Variants in SORT1 observed in about 807,000 individuals in gnomAD.
SORT1 encodes the protein sortilin.
Under a neutral mutation model 101.7 loss-of-function variants are expected in SORT1, and 39 were observed. The ratio of observed to expected loss-of-function variants is 0.38; its 90% CI spans 0.30 to 0.50. SORT1 has a LOEUF of 0.50. Ranked by LOEUF, SORT1 falls within the 20% of genes least tolerant of loss-of-function variation. The pLI is 0.90. For missense variants in SORT1, 878 were observed against 1,040.4 expected (o/e 0.84, Z 2.15); for synonymous variants, 396 against 393.7 (o/e 1.01, Z -0.07).
intron 3 of SORT1, among the ~76,000 whole-genome samples, chr1:109,363,790 T>C (rs1650898251): frequency 6.6e-6 from 1 of 152,080 alleles, no homozygotes; most frequent in African/African-American, 2.4e-5. Flanking sequence ...TCAGAGTGGG[T>C]TCAATGGGCT....
intron 1 of SORT1, among the ~76,000 whole-genome samples, chr1:109,392,152 GGGTAGGATTA>G (rs1003761801): frequency 6.6e-5 from 10 of 152,172 alleles, no homozygotes; most frequent in African/African-American, 2.4e-4. Context: ...AAAAATTGAG[GGGTAGGATTA>G]GGTAGGAAGG....
intron 13 of SORT1, 81 bp downstream of exon 13, chr1:109,326,911 A>G (rs1171796501): frequency 4.6e-6 from 5 of 1,092,110 alleles, no homozygotes; most frequent in African/African-American, 1.6e-5. Flanking sequence ...TATAGTCTGT[A>G]ACATCCCCCC....
At chr1:109,376,730 G>A (rs983893133) in intron 1 of SORT1, among the ~76,000 whole-genome samples, 3 of 152,206 alleles carry the variant, frequency 2.0e-5, no homozygotes, top group South Asian at 2.1e-4. Context: ...CAACAGAAAC[G>A]GGATTATTAG....
chr1:109,347,091 T>G (rs1649657736), intron 7 of SORT1, among the ~76,000 whole-genome samples: 1 of 152,262 alleles, frequency 6.6e-6, no homozygotes. Context: ...ATCTGTTGAA[T>G]GAGTAAATGA....
chr1:109,320,084 C>T (rs1647523760), intron 15 of SORT1, among the ~76,000 whole-genome samples: 1 of 152,114 alleles, frequency 6.6e-6, no homozygotes, highest in Non-Finnish European at 1.5e-5. Flanking sequence ...GCTTGCTCTT[C>T]TTTCTTCCTA....
At chr1:109,373,066 GA>G (rs1651590152) in intron 1 of SORT1, among the ~76,000 whole-genome samples, 1 of 150,868 alleles carries the variant, frequency 6.6e-6, no homozygotes. Flanking sequence ...AAAAAGAAAA[GA>G]AAAGAAAAAA....
In SORT1 at chr1:109,310,065, C is replaced by T. The variant is rs893226198; in HGVS notation, c.*3978G>A. On this transcript the variant is annotated 3_prime_UTR_variant, in exon 20 of 20. Coordinates refer to ENST00000256637, the MANE Select transcript of SORT1 (RefSeq NM_002959.7). ...AATCATCAGGGAACAGTCAGTCACC[C>T]GCTTGTGGCTGAGGGCATGCGGAGG... 3 of 152,500 alleles carry T rather than the reference C, an allele frequency of 2.0e-5. No homozygotes were observed. Among genetic ancestry groups the T allele is most frequent in the Admixed American group, 6.5e-5 (1 of 15,274 alleles). 9.4% of individuals were successfully genotyped at this position (152,500 alleles called of 1,614,324 possible). A position where few individuals can be genotyped will look rare whatever the true frequency, so the allele number is the denominator to read the frequency against.
intron 7 of SORT1, among the ~76,000 whole-genome samples, chr1:109,346,101 G>A (rs1192709584): frequency 6.6e-6 from 1 of 151,930 alleles, no homozygotes; most frequent in East Asian, 1.9e-4. Flanking sequence ...CACGAGGTCA[G>A]GAGATAGAGA....
Position 109,355,357 on chromosome 1 carries a change from T to G in SORT1, c.543+10A>C. The G allele has an allele frequency of 3.5e-6, 5 of 1,413,622 alleles. No homozygotes were observed. Among genetic ancestry groups the G allele is most frequent in the Non-Finnish European group, 5.0e-6 (5 of 997,016 alleles). 87.6% of individuals were successfully genotyped at this position (1,413,622 alleles called of 1,614,324 possible). A position where few individuals can be genotyped will look rare whatever the true frequency, so the allele number is the denominator to read the frequency against. ...AGCACAAGCTTTATGTATACAAGAA[T>G]GAGTCTCACCTTTCCAGAGTTCTCA... On this transcript the variant is annotated intron_variant, in intron 4 of 19. Coordinates refer to ENST00000256637, the MANE Select transcript of SORT1 (RefSeq NM_002959.7).
intron 4 of SORT1, 46 bp downstream of exon 4, chr1:109,355,321 A>G (rs781668309): frequency 3.3e-6 from 3 of 913,996 alleles, no homozygotes; most frequent in Non-Finnish European, 3.7e-6. Context: ...ACAGCTCTGC[A>G]TGTGGTATCA....
Position 109,342,182 on chromosome 1 carries a change from C to T in SORT1, c.964-24G>A. 1.9e-6 allele frequency: 3 copies of T among 1,586,840 alleles called. No homozygotes were observed. In the South Asian group the frequency reaches 3.4e-5, roughly 18 times the overall value. On this transcript the variant is annotated intron_variant, in intron 8 of 19. Coordinates refer to ENST00000256637, the MANE Select transcript of SORT1 (RefSeq NM_002959.7). ...TCCTAGAACAGATGTCAATATTTATCTTTCTAATTTTCTGCCAAGATGCCA... is the reference window on the plus strand; with the variant it reads ...TCCTAGAACAGATGTCAATATTTATTTTTCTAATTTTCTGCCAAGATGCCA...
rs1189410923 is a variant in SORT1 at position 109,323,052 on chromosome 1, A to C, written c.1904T>G (p.Ile635Ser). ...CAGAAACTGTTCTTTGTAGCCCAAAATGCAGCCATCTTCATAATCTTCAGG... is the reference window on the plus strand; with the variant it reads ...CAGAAACTGTTCTTTGTAGCCCAAACTGCAGCCATCTTCATAATCTTCAGG... ...TDPEDYEDGC[I>S]LGYKEQFLRL... Residue 635 changes from isoleucine (I) to serine (S), a missense_variant, in exon 15 of 20, where the codon ATT (isoleucine) becomes AGT (serine). By Grantham distance (142) the Ile-to-Ser change is moderately radical. This residue lies in a region of SORT1 where 684 missense variants were observed against 894.5 expected (regional missense o/e 0.76). Transcript: ENST00000256637. 1 of 1,614,198 alleles carries C rather than the reference A, an allele frequency of 6.2e-7. No individual in the cohort carries two copies.
At chr1:109,349,953 G>A (rs1009889624) in intron 6 of SORT1, among the ~76,000 whole-genome samples, 1 of 152,172 alleles carries the variant, frequency 6.6e-6, no homozygotes, top group Non-Finnish European at 1.5e-5. Context: ...CTATAACACA[G>A]TGTTCCCATT....
At chr1:109,314,833 G>T in intron 17 of SORT1, 55 bp from the exon 18 acceptor site, 1 of 946,236 alleles carries the variant, frequency 1.1e-6, no homozygotes, top group Non-Finnish European at 1.7e-6. Context: ...TCCTAGGACT[G>T]AGGTCAAGGC....
At chr1:109,324,531 T>C (rs892218556) in intron 14 of SORT1, among the ~76,000 whole-genome samples, 8 of 152,226 alleles carry the variant, frequency 5.3e-5, no homozygotes, top group African/African-American at 1.9e-4. Flanking sequence ...CAATGAACAT[T>C]GTGAATCCTT....
Position 109,369,551 on chromosome 1 carries a change from G to T in SORT1, c.345C>A (p.Ser115=). ...TTACCCCAGTGCTATCTCCAACCCA[G>T]GACAAGGATACTGAGCCTCTGAGAT... The part of the protein sequence containing the change: ...FDDLRGSVSL[S]WVGDSTGVIL... The change falls in exon 2 of 20, where the codon TCC becomes TCA. Residue 115 remains serine, a synonymous_variant. Coordinates refer to ENST00000256637, the MANE Select transcript of SORT1 (RefSeq NM_002959.7). The T allele has an allele frequency of 6.2e-7, 1 of 1,609,594 alleles. No homozygotes were observed. The highest frequency in any genetic ancestry group is 8.5e-7 in the Non-Finnish European group (1 of 1,176,072).
intron 3 of SORT1, among the ~76,000 whole-genome samples, chr1:109,358,584 G>A (rs2101610940): frequency 6.6e-6 from 1 of 152,282 alleles, no homozygotes; most frequent in South Asian, 2.1e-4. Context: ...GGCCGGGCGT[G>A]GTGGCTCATG....
intron 7 of SORT1, among the ~76,000 whole-genome samples, 170 bp downstream of exon 7, chr1:109,347,313 T>G (rs1649670657): frequency 2.0e-5 from 3 of 152,216 alleles, no homozygotes; most frequent in Admixed American, 6.5e-5. Flanking sequence ...CTGGGTAGTG[T>G]AGTAATTTGG....
intron 17 of SORT1, among the ~76,000 whole-genome samples, chr1:109,315,932 A>AT (rs1381260890): frequency 2.7e-5 from 4 of 150,350 alleles, no homozygotes; most frequent in South Asian, 2.1e-4. Flanking sequence ...TAATTTTTGT[A>AT]TTTTTTTTGT....
Sources: gnomAD v4.1 joint callset for allele counts (sites outside exome capture counted in the v4.1 genomes callset) on GRCh38, gnomAD v4.1.1 for gene constraint, gnomAD v4.1.1 regional missense constraint, MANE v1.5 for transcripts, NCBI Gene and HGNC (gene_info 2026-07-23, HGNC 2026-07-21) for gene names.